Variants in EOMES observed in about 807,000 individuals in gnomAD.
EOMES encodes the protein eomesodermin.
Under a neutral mutation model 61.0 loss-of-function variants are expected in EOMES, and 18 were observed. The ratio of observed to expected loss-of-function variants is 0.30; its 90% confidence interval spans 0.20 to 0.44. EOMES has a LOEUF of 0.44. EOMES is among the 20% of genes least tolerant of loss of function. The pLI is 1.00. For missense variants in EOMES, 885 were observed against 939.2 expected, an observed-to-expected ratio of 0.94 and a Z score of 0.75; for synonymous variants, 430 against 394.0, an observed-to-expected ratio of 1.09 and a Z score of -1.08.
rs987667199 is a variant in EOMES, at chr3:27,721,475, G to T, written c.820C>A (p.Arg274=). The change falls in exon 1 of 6, where the codon CGG becomes AGG. Residue 274 remains arginine, a synonymous_variant. Transcript: ENST00000449599. This position sits in a 1 kb window ranked among gnomAD's most constrained non-coding sequence, Gnocchi z 7.4. ...CGGTGGAATTTGAGCCACAGAGGCC[G>T]GTTGCACAGGTAGACGTGGGCACGG... The part of the protein sequence containing the change: ...GFRAHVYLCN[R]PLWLKFHRHQ... 6.2e-7 allele frequency: 1 copy of T among 1,613,474 alleles called. No individual in the cohort carries two copies. The highest frequency in any genetic ancestry group is 1.3e-5 in the African/African-American group (1 of 74,902).
At position 27,716,376 on chromosome 3, in the gene EOMES, C is replaced by CTTTTTT. The variant is rs530939637; in HGVS notation, c.*688_*693dup. The CTTTTTT allele has an allele frequency of 8.6e-5, 10 of 115,834 alleles. No individual in the cohort carries two copies. The highest frequency in any genetic ancestry group is 1.3e-4 in the Non-Finnish European group (8 of 59,714). 7.2% of individuals were successfully genotyped at this position (115,834 alleles called of 1,614,324 possible). A position where few individuals can be genotyped will look rare whatever the true frequency, so the allele number is the denominator to read the frequency against. On this transcript the variant is annotated 3_prime_UTR_variant, in exon 6 of 6. Coordinates refer to ENST00000449599, the MANE Select transcript of EOMES (RefSeq NM_001278182.2). ...ACAACTGTACACTTTTAAATTCTCCCTTTTTTTTTTTTTTTTTTTTGGTGA... is the reference window on the plus strand; with the variant it reads ...ACAACTGTACACTTTTAAATTCTCCCTTTTTTTTTTTTTTTTTTTTTTTTTTGGTGA...
In EOMES at chr3:27,721,004, C is replaced by G. The variant is rs1202034766; in HGVS notation, c.881+410G>C. Among the ~76,000 whole-genome samples, 2 of 152,216 alleles carry G rather than the reference C, an allele frequency of 1.3e-5. No homozygotes were observed. The highest frequency in any genetic ancestry group is 2.9e-5 in the Non-Finnish European group (2 of 68,036). On this transcript the variant is annotated intron_variant, in intron 1 of 5. Coordinates refer to ENST00000449599, the MANE Select transcript of EOMES (RefSeq NM_001278182.2). This position sits in a 1 kb window ranked among gnomAD's most constrained non-coding sequence, Gnocchi z 7.4. ...ACCCTGGCGCCTAAAACTGCGGGAGCCCATCTACTGCGCTCAGGTGGCCAG... is the reference window on the plus strand; with the variant it reads ...ACCCTGGCGCCTAAAACTGCGGGAGGCCATCTACTGCGCTCAGGTGGCCAG...
rs1438090055 is a variant in EOMES, at chr3:27,721,835, A to G, written c.460T>C (p.Ser154Pro). ...YYLQSPGPQG[S>P]ELAAPCSLFP... Reference sequence around the variant, plus strand: ...AGTGAGCAGGGCGCAGCCAGCTCCGACCCCTGAGGACCGGGGGACTGGAGG... The same window carrying G: ...AGTGAGCAGGGCGCAGCCAGCTCCGGCCCCTGAGGACCGGGGGACTGGAGG... The change falls in exon 1 of 6, where the codon TCG becomes CCG. Residue 154 changes from serine (S) to proline (P), a missense_variant. Ser to Pro is a moderately conservative substitution (Grantham distance 74). Coordinates refer to ENST00000449599, the MANE Select transcript of EOMES (RefSeq NM_001278182.2). The surrounding 1 kb of genome is among the most constrained non-coding windows in gnomAD (Gnocchi z 7.4). 3 of 1,516,264 alleles carry G rather than the reference A, an allele frequency of 2.0e-6. No homozygotes were observed. Among genetic ancestry groups the G allele is most frequent in the African/African-American group, 2.9e-5 (2 of 68,768 alleles). 93.9% of individuals were successfully genotyped at this position (1,516,264 alleles called of 1,614,324 possible).
upstream of EOMES, chr3:27,722,429 C>G: frequency 7.3e-7 from 1 of 1,367,418 alleles, no homozygotes; most frequent in Non-Finnish European, 9.4e-7. Context: ...GGGCTACCCA[C>G]CTGCCGACTC....
In EOMES at chr3:27,717,442, A is replaced by G; in HGVS notation, c.1746T>C (p.Tyr582=). The G allele has an allele frequency of 2.5e-6, 4 of 1,614,206 alleles. No individual in the cohort carries two copies. The highest frequency in any genetic ancestry group is 2.7e-5 in the African/African-American group (2 of 75,058). ...LPLQTSHALG[Y]YPDPTFPAMA... is the part of the protein sequence containing the mutation. ...TTGCAGGAAAGGTTGGGTCTGGGTA[A>G]TACCCCAGGGCATGGGATGTCTGAA... The change falls in exon 6 of 6, where the codon TAT becomes TAC. Residue 582 remains tyrosine, a synonymous_variant. Coordinates refer to ENST00000449599, the MANE Select transcript of EOMES (RefSeq NM_001278182.2). The surrounding 1 kb of genome is among the most constrained non-coding windows in gnomAD (Gnocchi z 4.5).
In EOMES at chr3:27,716,290, G is replaced by T. The variant is rs1205922830; in HGVS notation, c.*780C>A. 1 of 151,620 alleles carries T rather than the reference G, an allele frequency of 6.6e-6. No homozygotes were observed. The highest frequency in any genetic ancestry group is 1.5e-5 in the Non-Finnish European group (1 of 67,972). 9.4% of individuals were successfully genotyped at this position (151,620 alleles called of 1,614,324 possible). A position where few individuals can be genotyped will look rare whatever the true frequency, so the allele number is the denominator to read the frequency against. On this transcript the variant is annotated 3_prime_UTR_variant, in exon 6 of 6. Transcript: ENST00000449599. ...AAAGCACCAGTTTTACATTATCCCA[G>T]ACACCTATGTAGACTATTTGTACAA...
At chr3:27,722,442 G>C (rs1035415808), upstream of EOMES, 24 of 1,370,590 alleles carry the variant, frequency 1.8e-5, no homozygotes, top group Admixed American at 7.6e-5. Context: ...GCCGACTCGC[G>C]GGCCGCTACT....
rs2060567731 is a variant in EOMES, at chr3:27,716,146, C to T, written c.*924G>A. The T allele has an allele frequency of 6.6e-6, 1 of 152,180 alleles. No homozygotes were observed. Among genetic ancestry groups the T allele is most frequent in the Non-Finnish European group, 1.5e-5 (1 of 68,046 alleles). The allele number at this position is 152,180 out of a possible 1,614,324, so 9.4% of individuals were successfully genotyped here. On this transcript the variant is annotated 3_prime_UTR_variant, in exon 6 of 6. Coordinates refer to ENST00000449599, the MANE Select transcript of EOMES (RefSeq NM_001278182.2). ...CACGGTTCAAGTTAGTACATAGTAGCTGAATACATTCTTAACTATCTAAGA... is the reference window on the plus strand; with the variant it reads ...CACGGTTCAAGTTAGTACATAGTAGTTGAATACATTCTTAACTATCTAAGA...
At position 27,722,323 on chromosome 3, in the gene EOMES, T is replaced by A. The variant is rs377005422; in HGVS notation, c.-29A>T. 75 of 1,506,950 alleles carry A rather than the reference T, an allele frequency of 5.0e-5. 1 individual carries two copies. In the East Asian group the frequency reaches 1.7e-3, roughly 34 times the overall value. The allele number at this position is 1,506,950 out of a possible 1,614,324, so 93.3% of individuals were successfully genotyped here. On this transcript the variant is annotated 5_prime_UTR_variant, in exon 1 of 6. Coordinates refer to ENST00000449599, the MANE Select transcript of EOMES (RefSeq NM_001278182.2). ...TTGCAAAGCGCAGACGGCAGCTGGCTGCTTCCTCTCCTCCGGTGGCCTTAT... is the reference window on the plus strand; with the variant it reads ...TTGCAAAGCGCAGACGGCAGCTGGCAGCTTCCTCTCCTCCGGTGGCCTTAT...
rs2060611023 is a variant in EOMES at position 27,721,327 on chromosome 3, G to A, written c.881+87C>T. On this transcript the variant is annotated intron_variant, in intron 1 of 5. Transcript: ENST00000449599. This position sits in a 1 kb window ranked among gnomAD's most constrained non-coding sequence, Gnocchi z 7.4. ...CTCTAAGCACCGCGCGGAACAACTGGGTTCAGCTCCCTCATCCCGGACCTT... is the reference window on the plus strand; with the variant it reads ...CTCTAAGCACCGCGCGGAACAACTGAGTTCAGCTCCCTCATCCCGGACCTT... The A allele has an allele frequency of 8.8e-7, 1 of 1,139,466 alleles. No individual in the cohort carries two copies. 70.6% of individuals were successfully genotyped at this position (1,139,466 alleles called of 1,614,324 possible).
At chr3:27,718,972 TGTATTTTG>T (rs1212500403) in intron 3 of EOMES, 79 bp from the exon 4 acceptor site, 1 of 1,134,774 alleles carries the variant, frequency 8.8e-7, no homozygotes, top group South Asian at 1.6e-5. Flanking sequence ...TGACAAATTA[TGTATTTTG>T]GTATTGGACT....
At chr3:27,720,122 G>A in intron 2 of EOMES, 49 bp downstream of exon 2, 1 of 1,506,306 alleles carries the variant, frequency 6.6e-7, no homozygotes, top group Non-Finnish European at 8.9e-7. Flanking sequence ...CGAGGGTTAC[G>A]ATTTCTTCCC....
Position 27,720,344 on chromosome 3 carries a change from T to A in EOMES, c.882-19A>T. 6.2e-7 allele frequency: 1 copy of A among 1,612,772 alleles called. No individual in the cohort carries two copies. The highest frequency in any genetic ancestry group is 8.5e-7 in the Non-Finnish European group (1 of 1,178,980). On this transcript the variant is annotated intron_variant, in intron 1 of 5. Coordinates refer to ENST00000449599, the MANE Select transcript of EOMES (RefSeq NM_001278182.2). Reference sequence around the variant, plus strand: ...CATGCGCCTGTGCAAGGGAATAGAATCAGAAAAATCGATTTTAATTGGGAT... The same window carrying A: ...CATGCGCCTGTGCAAGGGAATAGAAACAGAAAAATCGATTTTAATTGGGAT...
At position 27,717,785 on chromosome 3, in the gene EOMES, T is replaced by C. The variant is rs754032352; in HGVS notation, c.1403A>G (p.Asp468Gly). ...ATCCGTGGGAGATGGAGTTAACCTG[T>C]CATTTTCTGAAGCGGTGTACATGCT... ...YDSMYTASEN[D>G]RLTPSPTDSP... Residue 468 changes from aspartate (D) to glycine (G), a missense_variant, in exon 6 of 6, where the codon GAC (aspartate) becomes GGC (glycine). Physicochemically the swap from Asp to Gly is moderately conservative, Grantham distance 94 (BLOSUM62 -1). Transcript: ENST00000449599. This position sits in a 1 kb window ranked among gnomAD's most constrained non-coding sequence, Gnocchi z 4.5. 7.5e-6 allele frequency: 12 copies of C among 1,610,538 alleles called. No individual in the cohort carries two copies. The highest frequency in any genetic ancestry group is 9.3e-6 in the Non-Finnish European group (11 of 1,177,898).
intron 2 of EOMES, 72 bp from the exon 3 acceptor site, chr3:27,719,553 T>C: frequency 7.1e-7 from 1 of 1,406,916 alleles, no homozygotes; most frequent in Non-Finnish European, 1.0e-6. Flanking sequence ...AGCGGAGGGA[T>C]GTCTCTTAGC....
In EOMES at chr3:27,717,806, A is replaced by G; in HGVS notation, c.1382T>C (p.Met461Thr). Reference sequence around the variant, plus strand: ...CCTGTCATTTTCTGAAGCGGTGTACATGCTACAATATAAAGAGAAACACTT... The same window carrying G: ...CCTGTCATTTTCTGAAGCGGTGTACGTGCTACAATATAAAGAGAAACACTT... ...AKGFRDNYDSMYTASENDRLT... is the reference protein window; with the variant it reads ...AKGFRDNYDSTYTASENDRLT... Residue 461 changes from methionine to threonine, a missense_variant and splice_region_variant, in exon 6 of 6, where the codon ATG becomes ACG. Transcript: ENST00000449599. The surrounding 1 kb of genome is among the most constrained non-coding windows in gnomAD (Gnocchi z 4.5). The G allele has an allele frequency of 1.9e-6, 3 of 1,566,866 alleles. No individual in the cohort carries two copies. Among genetic ancestry groups the G allele is most frequent in the Non-Finnish European group, 2.6e-6 (3 of 1,155,760 alleles).
Position 27,716,783 on chromosome 3 carries a change from G to T in EOMES, c.*287C>A, listed in dbSNP as rs2371109. 0.56 allele frequency: 189,828 copies of T among 337,138 alleles called. 57,962 individuals are homozygous for T. The highest frequency in any genetic ancestry group is 0.84 in the East Asian group (16,002 of 19,092). The allele number at this position is 337,138 out of a possible 1,614,324, so 20.9% of individuals were successfully genotyped here. ...AATGTTCACAGCCTGCTTCTTTGAA[G>T]GGTTAGTGTCTCCCCAATAAATAAA... On this transcript the variant is annotated 3_prime_UTR_variant, in exon 6 of 6. Coordinates refer to ENST00000449599, the MANE Select transcript of EOMES (RefSeq NM_001278182.2).
rs2581183 is a variant in EOMES at position 27,717,913 on chromosome 3, C to T, written c.1380-105G>A. On this transcript the variant is annotated intron_variant, in intron 5 of 5. Transcript: ENST00000449599. The surrounding 1 kb of genome is among the most constrained non-coding windows in gnomAD (Gnocchi z 4.5). ...AAAGGCTTGTGTTGGTTATCTACAC[C>T]GAAAGTGCTGGTCTGTTGGGCTGAA... 0.14 allele frequency: 114,481 copies of T among 812,340 alleles called. 9,283 individuals carry two copies. The highest frequency in any genetic ancestry group is 0.17 in the Non-Finnish European group (89,300 of 537,690). 50.3% of individuals were successfully genotyped at this position (812,340 alleles called of 1,614,324 possible). A position where few individuals can be genotyped will look rare whatever the true frequency, so the allele number is the denominator to read the frequency against.
Position 27,721,989 on chromosome 3 carries a change from G to A in EOMES, c.306C>T (p.Asp102=), listed in dbSNP as rs560692131. Residue 102 remains aspartate (D), a synonymous_variant, in exon 1 of 6, where the codon GAC becomes GAT. Coordinates refer to ENST00000449599, the MANE Select transcript of EOMES (RefSeq NM_001278182.2). This position sits in a 1 kb window ranked among gnomAD's most constrained non-coding sequence, Gnocchi z 7.4. The part of the protein sequence containing the change: ...AAAVAKPGPP[D]GRKGSPCGEE... ...CCCCGCAGGGGGAGCCCTTGCGGCC[G>A]TCCGGGGGCCCCGGCTTGGCCACTG... 2.2e-5 allele frequency: 33 copies of A among 1,468,900 alleles called. No individual in the cohort carries two copies. The highest frequency in any genetic ancestry group is 3.0e-5 in the Non-Finnish European group (33 of 1,117,268). 91.0% of individuals were successfully genotyped at this position (1,468,900 alleles called of 1,614,324 possible). A position where few individuals can be genotyped will look rare whatever the true frequency, so the allele number is the denominator to read the frequency against.
Sources: gnomAD v4.1 joint callset for allele counts (sites outside exome capture counted in the v4.1 genomes callset) on GRCh38, gnomAD v4.1.1 for gene constraint, Gnocchi (gnomAD v3.1) non-coding constraint, MANE v1.5 for transcripts, NCBI Gene and HGNC (gene_info 2026-07-23, HGNC 2026-07-21) for gene names.